CDCP1: variants seen among roughly 807,000 people sequenced by gnomAD.
The protein encoded by CDCP1 is CUB domain containing protein 1, also known as CUB domain-containing protein 1.
CDCP1 carries 29 observed loss-of-function variants against 60.2 expected under a neutral mutation model. The observed-to-expected ratio is 0.48, with a 90% CI of 0.36 to 0.66. CDCP1 has a LOEUF of 0.66. CDCP1 is among the 30% of genes least tolerant of loss of function. The pLI, the probability that CDCP1 is intolerant of heterozygous loss-of-function variation, is 0.00. For missense variants in CDCP1, 876 were observed against 1,074.3 expected (o/e 0.82, Z 2.58); for synonymous variants, 387 against 431.1 (o/e 0.90, Z 1.27).
At chr3:45,118,775 T>A (rs1404035623) in intron 1 of CDCP1, among the ~76,000 whole-genome samples, 154 bp from the exon 2 acceptor site, 1 of 152,220 alleles carries the variant, frequency 6.6e-6, no homozygotes, top group East Asian at 1.9e-4. Context: ...AAAATGACAG[T>A]TCCGACCTTA....
chr3:45,090,913 G>GT (rs756224905), intron 7 of CDCP1, among the ~76,000 whole-genome samples: 1 of 152,174 alleles, frequency 6.6e-6, no homozygotes, highest in Non-Finnish European at 1.5e-5. Context: ...CTGCCAGTAG[G>GT]TGCATGAATG....
chr3:45,119,844 A>G (rs1244639846), intron 1 of CDCP1, among the ~76,000 whole-genome samples: 2 of 152,220 alleles, frequency 1.3e-5, no homozygotes, highest in Admixed American at 6.5e-5. Context: ...AAGTTCCCTC[A>G]GTGCCCCTCT....
rs780582029 is a variant in CDCP1 at position 45,112,237 on chromosome 3, G to A, written c.501C>T (p.Ile167=). The part of the protein sequence containing the change: ...DGVTHSISGR[I]DATVVRIGTF... ...TTCCGATCCTGACCACGGTGGCATC[G>A]ATTCGGCCGCTGATGGAGTGAGTGA... The change falls in exon 3 of 9, where the codon ATC becomes ATT. Residue 167 remains isoleucine (I), a synonymous_variant. Transcript: ENST00000296129. 2.7e-5 allele frequency: 44 copies of A among 1,614,054 alleles called. No homozygotes were observed. The highest frequency in any genetic ancestry group is 2.4e-4 in the African/African-American group (18 of 74,912).
intron 8 of CDCP1, among the ~76,000 whole-genome samples, chr3:45,087,256 C>T (rs150824231): frequency 5.8e-4 from 89 of 152,320 alleles, no homozygotes; most frequent in African/African-American, 1.9e-3. Flanking sequence ...TGTCTCTCCT[C>T]ATTCTCACTG....
chr3:45,127,443 A>G, intron 1 of CDCP1, among the ~76,000 whole-genome samples: 1 of 152,210 alleles, frequency 6.6e-6, no homozygotes, highest in East Asian at 1.9e-4. Context: ...TTCTAGAACA[A>G]AGCACTGGGA....
At chr3:45,114,907 T>C (rs1277649272) in intron 2 of CDCP1, among the ~76,000 whole-genome samples, 4 of 152,182 alleles carry the variant, frequency 2.6e-5, no homozygotes, top group East Asian at 3.9e-4. Flanking sequence ...GTTGTGAGCA[T>C]GGGTTTTTAC....
chr3:45,117,691 A>T (rs1241738160), intron 2 of CDCP1, among the ~76,000 whole-genome samples: 1 of 149,522 alleles, frequency 6.7e-6, no homozygotes, highest in African/African-American at 2.5e-5. Flanking sequence ...GTGCCTCCTG[A>T]GTTCAAGTGA....
intron 2 of CDCP1, 73 bp downstream of exon 2, chr3:45,118,339 A>T (rs766768667): frequency 3.6e-6 from 4 of 1,117,398 alleles, no homozygotes; most frequent in South Asian, 2.5e-5. Flanking sequence ...CTGACTTAGC[A>T]TGGGAAAGAC....
Position 45,115,975 on chromosome 3 carries a change from G to A in CDCP1, c.292+2437C>T, listed in dbSNP as rs76298183. Among the ~76,000 whole-genome samples, 799 of 151,928 alleles carry A rather than the reference G, an allele frequency of 5.3e-3. 12 individuals carry two copies. Among genetic ancestry groups the A allele is most frequent in the African/African-American group, 0.018 (748 of 41,484 alleles). ...TCAACAGAATTTTATATTTTGCTTC[G>A]TATACTTTATGTACTTATTAAGATA... On this transcript the variant is annotated intron_variant, in intron 2 of 8. Coordinates refer to ENST00000296129, the MANE Select transcript of CDCP1 (RefSeq NM_022842.5).
chr3:45,095,893 T>C (rs1025282662), intron 4 of CDCP1, among the ~76,000 whole-genome samples: 9 of 152,152 alleles, frequency 5.9e-5, no homozygotes, highest in African/African-American at 1.9e-4. Flanking sequence ...AAGGGACACG[T>C]CGGGAGAAAG....
Position 45,083,864 on chromosome 3 carries a change from G to A in CDCP1, c.*1774C>T, listed in dbSNP as rs1311432278. On this transcript the variant is annotated 3_prime_UTR_variant, in exon 9 of 9. Coordinates refer to ENST00000296129, the MANE Select transcript of CDCP1 (RefSeq NM_022842.5). ...GCAGAGGTTGCAGTGAGCCGAGATTGCGCCACTGCACTCCAGCCTAGGCAA... is the reference window on the plus strand; with the variant it reads ...GCAGAGGTTGCAGTGAGCCGAGATTACGCCACTGCACTCCAGCCTAGGCAA... 1 of 151,228 alleles carries A rather than the reference G, an allele frequency of 6.6e-6. No homozygotes were observed. 9.4% of individuals were successfully genotyped at this position (151,228 alleles called of 1,614,324 possible).
chr3:45,108,133 A>AT (rs1442329608), intron 4 of CDCP1, among the ~76,000 whole-genome samples: 1 of 144,686 alleles, frequency 6.9e-6, no homozygotes, highest in Non-Finnish European at 1.6e-5. Flanking sequence ...TAAAAAAAAA[A>AT]GAAAAAAAAA....
intron 4 of CDCP1, among the ~76,000 whole-genome samples, chr3:45,107,770 G>T (rs1353777084): frequency 6.6e-6 from 1 of 152,086 alleles, no homozygotes; most frequent in African/African-American, 2.4e-5. Context: ...CCTTAATGGG[G>T]CTATGCTGCC....
chr3:45,103,679 C>T (rs75203543), intron 4 of CDCP1, among the ~76,000 whole-genome samples: 3,759 of 152,278 alleles, frequency 0.025, 66 homozygotes, highest in Non-Finnish European at 0.036. Context: ...GGGAGTGGAT[C>T]AGTTTTCACA....
chr3:45,145,580 G>A (rs1452398968), intron 1 of CDCP1, among the ~76,000 whole-genome samples: 1 of 152,132 alleles, frequency 6.6e-6, no homozygotes, highest in Non-Finnish European at 1.5e-5. Flanking sequence ...GCAGATGCCT[G>A]GCGGCTTTCT....
chr3:45,106,565 G>A (rs576889074), intron 4 of CDCP1, among the ~76,000 whole-genome samples: 2 of 152,318 alleles, frequency 1.3e-5, no homozygotes, highest in East Asian at 3.9e-4. Flanking sequence ...GGAATGTGTC[G>A]GAAGCTGTGG....
In CDCP1 at chr3:45,091,541, G is replaced by A; in HGVS notation, c.1628-3C>T. 6.3e-7 allele frequency: 1 copy of A among 1,594,080 alleles called. No individual in the cohort carries two copies. The highest frequency in any genetic ancestry group is 8.5e-7 in the Non-Finnish European group (1 of 1,171,830). On this transcript the variant is annotated splice_region_variant and splice_polypyrimidine_tract_variant and intron_variant, in intron 6 of 8. Coordinates refer to ENST00000296129, the MANE Select transcript of CDCP1 (RefSeq NM_022842.5). This position sits in a 1 kb window ranked among gnomAD's most constrained non-coding sequence, Gnocchi z 4.8. ...GGTCACCGTGAAAACGCCTTCCTCT[G>A]CAGGAAAGGGAGGGAGATCCAGACA...
chr3:45,117,365 ATTATT>A (rs1698810368), intron 2 of CDCP1, among the ~76,000 whole-genome samples: 1 of 152,180 alleles, frequency 6.6e-6, no homozygotes, highest in African/African-American at 2.4e-5. Context: ...TTTTCAATCC[ATTATT>A]TTATTTTATC....
chr3:45,100,394 G>A (rs1255319863), intron 4 of CDCP1, among the ~76,000 whole-genome samples: 1 of 152,216 alleles, frequency 6.6e-6, no homozygotes, highest in African/African-American at 2.4e-5. Context: ...ACAGTTGTTT[G>A]GCTGCTTGTT....
Sources: gnomAD v4.1 joint callset for allele counts (sites outside exome capture counted in the v4.1 genomes callset) on GRCh38, gnomAD v4.1.1 for gene constraint, Gnocchi (gnomAD v3.1) non-coding constraint, MANE v1.5 for transcripts, NCBI Gene and HGNC (gene_info 2026-07-23, HGNC 2026-07-21) for gene names.